The following ARHGEF17 variants were observed in gnomAD, a reference collection of about 807,000 sequenced individuals.
The protein encoded by ARHGEF17 is Rho guanine nucleotide exchange factor 17, also known as 164 kDa Rho-specific guanine-nucleotide exchange factor.
In ARHGEF17, 80 loss-of-function variants were observed where a neutral mutation model predicts 174.0. That is an observed-to-expected ratio of 0.46 (90% CI 0.38 to 0.55). The LOEUF is 0.55. Ranked by LOEUF, ARHGEF17 falls within the 20% of genes least tolerant of loss-of-function variation. ARHGEF17 has a pLI of 0.00. For missense variants in ARHGEF17, 2,886 were observed against 2,839.7 expected, an observed-to-expected ratio of 1.02 and a Z score of -0.37; for synonymous variants, 1,311 against 1,189.1, an observed-to-expected ratio of 1.10 and a Z score of -2.11.
intron 1 of ARHGEF17, among the ~76,000 whole-genome samples, chr11:73,344,345 C>T (rs961360284): frequency 2.0e-5 from 3 of 152,246 alleles, no homozygotes; most frequent in African/African-American, 7.2e-5. Flanking sequence ...TGTGTCTTTA[C>T]CTGACAGCTG....
At chr11:73,362,772 G>A in intron 14 of ARHGEF17, 38 bp downstream of exon 14, 1 of 1,577,420 alleles carries the variant, frequency 6.3e-7, no homozygotes, top group Non-Finnish European at 8.6e-7. Context: ...GGCCTTGGCA[G>A]GCAGGGTGGA....
chr11:73,310,511 G>A lies in ARHGEF17; in HGVS notation c.1873G>A (p.Asp625Asn). 6.2e-7 allele frequency: 1 copy of A among 1,614,040 alleles called. No homozygotes were observed. ...APPGSPDWAG[D>N]VTRGQRSQEE... is the part of the protein sequence containing the mutation. Reference sequence around the variant, plus strand: ...CCCTGGAAGCCCTGACTGGGCAGGGGATGTGACCCGAGGGCAGCGGTCCCA... The same window carrying A: ...CCCTGGAAGCCCTGACTGGGCAGGGAATGTGACCCGAGGGCAGCGGTCCCA... Residue 625 changes from aspartate (D) to asparagine (N), a missense_variant, in exon 1 of 21, where the codon GAT becomes AAT. Asp to Asn is a conservative substitution (Grantham distance 23). Coordinates refer to ENST00000263674, the MANE Select transcript of ARHGEF17 (RefSeq NM_014786.4).
intron 9 of ARHGEF17, 24 bp downstream of exon 9, chr11:73,357,351 G>A (rs760571733): frequency 6.2e-7 from 1 of 1,601,452 alleles, no homozygotes; most frequent in Non-Finnish European, 8.5e-7. Flanking sequence ...TAGGGGTTCT[G>A]GGTGTTGGGG....
At chr11:73,335,666 T>A (rs1442334709) in intron 1 of ARHGEF17, among the ~76,000 whole-genome samples, 1 of 152,152 alleles carries the variant, frequency 6.6e-6, no homozygotes, top group African/African-American at 2.4e-5. Context: ...AGTGCAGTTC[T>A]TGGGGCTTCA....
Position 73,308,834 on chromosome 11 carries a change from C to T in ARHGEF17, c.196C>T (p.Leu66=), listed in dbSNP as rs765320470. ...CGTGTCCAAGCTGGCGTCTGGGCCCCTGGCCGCCCCCGCGCAGCCGCGCCC... is the reference window on the plus strand; with the variant it reads ...CGTGTCCAAGCTGGCGTCTGGGCCCTTGGCCGCCCCCGCGCAGCCGCGCCC... ...RRVSKLASGP[L]AAPAQPRPLR... Residue 66 remains leucine, a synonymous_variant, in exon 1 of 21, where the codon CTG becomes TTG. Transcript: ENST00000263674. The T allele has an allele frequency of 4.5e-6, 6 of 1,340,900 alleles. No homozygotes were observed. The highest frequency in any genetic ancestry group is 3.1e-5 in the East Asian group (1 of 32,144). The allele number at this position is 1,340,900 out of a possible 1,614,324, so 83.1% of individuals were successfully genotyped here.
At chr11:73,355,387 A>G (rs1473523705) in intron 3 of ARHGEF17, 146 bp from the exon 4 acceptor site, 2 of 635,922 alleles carry the variant, frequency 3.1e-6, no homozygotes, top group African/African-American at 3.6e-5. Context: ...ACTTAGAGCC[A>G]CAGGACATGT....
rs895048070 is a variant in ARHGEF17 at position 73,368,497 on chromosome 11, C to G, written c.*717C>G. 6.6e-6 allele frequency: 1 copy of G among 152,216 alleles called. No individual in the cohort carries two copies. Among genetic ancestry groups the G allele is most frequent in the East Asian group, 1.9e-4 (1 of 5,198 alleles). 9.4% of individuals were successfully genotyped at this position (152,216 alleles called of 1,614,324 possible). A position where few individuals can be genotyped will look rare whatever the true frequency, so the allele number is the denominator to read the frequency against. On this transcript the variant is annotated 3_prime_UTR_variant, in exon 21 of 21. Coordinates refer to ENST00000263674, the MANE Select transcript of ARHGEF17 (RefSeq NM_014786.4). ...GCTGACTATTAGGGGGCAGTGATTG[C>G]CATCTGGGGACCTGTCAGGCTTTGT...
At position 73,318,005 on chromosome 11, in the gene ARHGEF17, C is replaced by T. The variant is rs1864955805; in HGVS notation, c.3192+6175C>T. On this transcript the variant is annotated intron_variant, in intron 1 of 20. Coordinates refer to ENST00000263674, the MANE Select transcript of ARHGEF17 (RefSeq NM_014786.4). ...GTGAGGCCTTCAATAAGTTCCATCCCCCTTCAGAGCCACAGAGCTGTCCAT... is the reference window on the plus strand; with the variant it reads ...GTGAGGCCTTCAATAAGTTCCATCCTCCTTCAGAGCCACAGAGCTGTCCAT... Among the ~76,000 whole-genome samples, 6 of 152,120 alleles carry T rather than the reference C, an allele frequency of 3.9e-5. No homozygotes were observed. In the South Asian group the frequency reaches 8.3e-4, roughly 21 times the overall value.
chr11:73,351,440 T>A (rs1360514301), intron 2 of ARHGEF17, among the ~76,000 whole-genome samples: 1 of 152,140 alleles, frequency 6.6e-6, no homozygotes, highest in Non-Finnish European at 1.5e-5. Context: ...GCACGTAGAT[T>A]TGACGTAAAA....
rs1200286628 is a variant in ARHGEF17 at position 73,309,179 on chromosome 11, G to A, written c.541G>A (p.Gly181Ser). The change falls in exon 1 of 21, where the codon GGT (glycine) becomes AGT (serine). Residue 181 changes from glycine (G) to serine (S), a missense_variant. Gly to Ser is a moderately conservative substitution (Grantham distance 56, BLOSUM62 0). Transcript: ENST00000263674. Reference sequence around the variant, plus strand: ...CCCTCGGACATGCTTCCCCCTGGCGGGTCTGCGTTCGGCGCGGCCCCTGAC... The same window carrying A: ...CCCTCGGACATGCTTCCCCCTGGCGAGTCTGCGTTCGGCGCGGCCCCTGAC... ...PPPRTCFPLA[G>S]LRSARPLTGP... The A allele has an allele frequency of 1.3e-6, 2 of 1,589,634 alleles. No individual in the cohort carries two copies. The highest frequency in any genetic ancestry group is 2.7e-5 in the African/African-American group (2 of 72,916).
intron 2 of ARHGEF17, among the ~76,000 whole-genome samples, chr11:73,348,133 C>T (rs1387740274): frequency 6.6e-6 from 1 of 152,094 alleles, no homozygotes; most frequent in African/African-American, 2.4e-5. Flanking sequence ...ATGAATTTGC[C>T]CAAGCTAGCT....
At chr11:73,343,696 G>C (rs1233989692) in intron 1 of ARHGEF17, among the ~76,000 whole-genome samples, 1 of 152,084 alleles carries the variant, frequency 6.6e-6, no homozygotes, top group East Asian at 1.9e-4. Context: ...GAGGAGTCAT[G>C]CTGCGGTGGG....
At chr11:73,321,929 C>T (rs1311381204) in intron 1 of ARHGEF17, among the ~76,000 whole-genome samples, 1 of 152,166 alleles carries the variant, frequency 6.6e-6, no homozygotes, top group East Asian at 1.9e-4. Flanking sequence ...TTTATTGGTT[C>T]CCAGGGGGTG....
At chr11:73,344,446 G>A (rs375440379) in intron 1 of ARHGEF17, among the ~76,000 whole-genome samples, 8 of 152,302 alleles carry the variant, frequency 5.3e-5, no homozygotes, top group African/African-American at 1.4e-4. Flanking sequence ...CCAGCCTCCC[G>A]GCATCAGGCA....
chr11:73,319,065 CTT>C (rs60978188), intron 1 of ARHGEF17, among the ~76,000 whole-genome samples: 8,189 of 139,132 alleles, frequency 0.059, 759 homozygotes, highest in African/African-American at 0.21. Context: ...CTTCCTCCGT[CTT>C]TTTTTTTTTT....
At chr11:73,323,083 A>C (rs1865041947) in intron 1 of ARHGEF17, among the ~76,000 whole-genome samples, 1 of 152,084 alleles carries the variant, frequency 6.6e-6, no homozygotes, top group South Asian at 2.1e-4. Context: ...CTCTGTGCCC[A>C]GCAAGCCTCC....
In ARHGEF17 at chr11:73,364,184, C is replaced by G; in HGVS notation, c.5346C>G (p.Asn1782Lys). 6.2e-7 allele frequency: 1 copy of G among 1,614,134 alleles called. No homozygotes were observed. The highest frequency in any genetic ancestry group is 8.5e-7 in the Non-Finnish European group (1 of 1,180,012). ...TTTCCCTACCCAGGTATCTGAATAA[C>G]CAGGTGTTTGTGTCTCTGGCCAATG... ...ASVTCILYLN[N>K]QVFVSLANGE... Residue 1782 changes from asparagine to lysine, a missense_variant, in exon 17 of 21, where the codon AAC becomes AAG. Physicochemically the swap from Asn to Lys is moderately conservative, Grantham distance 94 (BLOSUM62 0). This residue lies in a region of ARHGEF17 where 329 missense variants were observed against 435.2 expected (regional missense o/e 0.76). Transcript: ENST00000263674.
In ARHGEF17 at chr11:73,355,547, C is replaced by T. The variant is rs1865623546; in HGVS notation, c.3468C>T (p.Val1156=). 1.2e-6 allele frequency: 2 copies of T among 1,613,784 alleles called. No homozygotes were observed. Residue 1156 remains valine (V), a synonymous_variant, in exon 4 of 21, where the codon GTC becomes GTT. Coordinates refer to ENST00000263674, the MANE Select transcript of ARHGEF17 (RefSeq NM_014786.4). ...ALLVQSFSKD[V]LVNIYSAYID... is the part of the protein sequence containing the mutation. The stretch of plus-strand genomic sequence containing the variant: ...CTCCTCCACAGTTCTCCAAGGATGT[C>T]CTAGTAAACATCTATTCTGCCTATA...
chr11:73,320,180 A>C (rs1864993210), intron 1 of ARHGEF17, among the ~76,000 whole-genome samples: 1 of 151,866 alleles, frequency 6.6e-6, no homozygotes, highest in Non-Finnish European at 1.5e-5. Context: ...AGGCCTAGGG[A>C]GGCTTCAGGG....
Sources: allele counts gnomAD v4.1 joint callset (sites outside exome capture counted in the v4.1 genomes callset), GRCh38; gene constraint gnomAD v4.1.1; regional missense constraint gnomAD v4.1.1; transcripts MANE v1.5; gene names NCBI Gene and HGNC (gene_info 2026-07-23, HGNC 2026-07-21).